The following PTPRD variants were observed in gnomAD, a reference collection of about 807,000 sequenced individuals.
PTPRD encodes the protein receptor-type tyrosine-protein phosphatase delta.
A neutral mutation model predicts 214.5 loss-of-function variants in PTPRD; 34 were observed. That is an observed-to-expected ratio of 0.16 (90% CI 0.12 to 0.21). PTPRD has a LOEUF of 0.21. Ranked by LOEUF, PTPRD falls within the 10% of genes least tolerant of loss-of-function variation. The pLI is 1.00. For missense variants in PTPRD, 2,545 were observed against 2,398.7 expected (o/e 1.06, Z -1.27); for synonymous variants, 1,128 against 845.7 (o/e 1.33, Z -5.79).
At chr9:8,683,405 T>C (rs1234571378) in intron 12 of PTPRD, among the ~76,000 whole-genome samples, 1 of 150,530 alleles carries the variant, frequency 6.6e-6, no homozygotes, top group East Asian at 1.9e-4. Context: ...AAAAAAAGTG[T>C]ATACATAAGT....
At chr9:9,915,565 A>G (rs555066999) in intron 5 of PTPRD, among the ~76,000 whole-genome samples, 4 of 151,988 alleles carry the variant, frequency 2.6e-5, no homozygotes, top group South Asian at 2.1e-4. Flanking sequence ...CAGAAGTACT[A>G]AAGCTGAATA....
At chr9:10,250,350 T>A (rs1245011620) in intron 3 of PTPRD, among the ~76,000 whole-genome samples, 6 of 152,138 alleles carry the variant, frequency 3.9e-5, no homozygotes. Flanking sequence ...AATAATTTTA[T>A]AAGACAGCTG....
chr9:10,591,107 C>T (rs550844726), intron 2 of PTPRD, among the ~76,000 whole-genome samples: 98 of 152,002 alleles, frequency 6.4e-4, no homozygotes, highest in African/African-American at 2.3e-3. Context: ...ATCCCAGCCT[C>T]TTAGGATGCT....
At chr9:9,943,676 C>T (rs1406397161) in intron 4 of PTPRD, among the ~76,000 whole-genome samples, 2 of 152,044 alleles carry the variant, frequency 1.3e-5, no homozygotes, top group African/African-American at 4.8e-5. Context: ...AAGAAAGCAA[C>T]ATCTGAATAA....
At chr9:8,487,305 G>C (rs528633694) in intron 27 of PTPRD, among the ~76,000 whole-genome samples, 51 of 152,054 alleles carry the variant, frequency 3.4e-4, no homozygotes, top group Non-Finnish European at 5.9e-4. Flanking sequence ...TATGTGAAAA[G>C]GTCTAATCTA....
intron 11 of PTPRD, among the ~76,000 whole-genome samples, chr9:8,907,443 GGGAGGC>G (rs1330723184): frequency 3.3e-5 from 5 of 150,354 alleles, no homozygotes; most frequent in African/African-American, 9.8e-5. Context: ...ATGTGAACCT[GGGAGGC>G]GGAGGTTGCA....
intron 11 of PTPRD, among the ~76,000 whole-genome samples, chr9:9,013,211 C>G (rs574023377): frequency 6.6e-6 from 1 of 151,970 alleles, no homozygotes; most frequent in South Asian, 2.1e-4. Context: ...AAAAGAATGA[C>G]TGAACTCCGA....
intron 9 of PTPRD, among the ~76,000 whole-genome samples, chr9:9,325,815 T>C (rs537242529): frequency 2.6e-5 from 4 of 152,332 alleles, no homozygotes; most frequent in South Asian, 4.1e-4. Flanking sequence ...TTCAGTATAA[T>C]ACTGGCTGTG....
intron 12 of PTPRD, among the ~76,000 whole-genome samples, chr9:8,730,520 A>G (rs555042239): frequency 6.6e-6 from 1 of 152,382 alleles, no homozygotes; most frequent in South Asian, 2.1e-4. Flanking sequence ...ACTCAGGTCT[A>G]GAATGTAACA....
intron 2 of PTPRD, among the ~76,000 whole-genome samples, chr9:10,512,910 T>A (rs2048778334): frequency 6.6e-6 from 1 of 151,974 alleles, no homozygotes; most frequent in East Asian, 1.9e-4. Flanking sequence ...AAAAAAATAA[T>A]TTAAGGGTAC....
chr9:8,928,134 T>G (rs2098917037), intron 11 of PTPRD, among the ~76,000 whole-genome samples: 1 of 152,208 alleles, frequency 6.6e-6, no homozygotes, highest in African/African-American at 2.4e-5. Context: ...TGCAAAAATT[T>G]TCTCCCATTC....
intron 7 of PTPRD, among the ~76,000 whole-genome samples, chr9:9,716,543 G>A (rs182164489): frequency 0.012 from 1,828 of 151,804 alleles, 42 homozygotes; most frequent in African/African-American, 0.04. Context: ...AATGATTGCC[G>A]TTCTAACTGG....
chr9:9,830,738 C>T (rs2054555422), intron 5 of PTPRD, among the ~76,000 whole-genome samples: 1 of 151,840 alleles, frequency 6.6e-6, no homozygotes, highest in South Asian at 2.1e-4. Context: ...GTGTGAAGTC[C>T]ACTGATGTGG....
At chr9:9,788,955 CCTCT>C (rs905546962) in intron 5 of PTPRD, among the ~76,000 whole-genome samples, 1 of 152,104 alleles carries the variant, frequency 6.6e-6, no homozygotes, top group African/African-American at 2.4e-5. Flanking sequence ...GTTTCCGGTG[CCTCT>C]CTAACACTTT....
intron 11 of PTPRD, among the ~76,000 whole-genome samples, chr9:8,781,660 C>T (rs1467602274): frequency 6.5e-5 from 1 of 15,382 alleles, no homozygotes; most frequent in Non-Finnish European, 9.1e-5. Context: ...TGGGGCAGTG[C>T]TTTAATGAAA....
At chr9:9,503,794 A>G (rs1034321748) in intron 8 of PTPRD, among the ~76,000 whole-genome samples, 2 of 151,852 alleles carry the variant, frequency 1.3e-5, no homozygotes, top group South Asian at 4.1e-4. Flanking sequence ...GGCTCTCTGA[A>G]GCATTCTTGG....
intron 3 of PTPRD, among the ~76,000 whole-genome samples, chr9:10,334,874 A>T (rs1238806483): frequency 6.6e-6 from 1 of 151,762 alleles, no homozygotes; most frequent in East Asian, 1.9e-4. Flanking sequence ...ATACTTTGGC[A>T]TAAATCTAAC....
chr9:8,984,461 C>T (rs1452575946), intron 11 of PTPRD, among the ~76,000 whole-genome samples: 1 of 152,048 alleles, frequency 6.6e-6, no homozygotes, highest in African/African-American at 2.4e-5. Context: ...TGAAGCTTAA[C>T]ACAAAATTAT....
chr9:9,644,071 T>G (rs2154368036), intron 7 of PTPRD, among the ~76,000 whole-genome samples: 1 of 152,330 alleles, frequency 6.6e-6, no homozygotes, highest in East Asian at 1.9e-4. Flanking sequence ...AAAGTTTTTT[T>G]TCTGTACAAC....
Sources: gnomAD v4.1 joint callset for allele counts (sites outside exome capture counted in the v4.1 genomes callset) on GRCh38, gnomAD v4.1.1 for gene constraint, MANE v1.5 for transcripts, NCBI Gene and HGNC (gene_info 2026-07-23, HGNC 2026-07-21) for gene names.